SPMIP11: variants seen among roughly 807,000 people sequenced by gnomAD.
SPMIP11 encodes the protein long intergenic non-protein coding RNA 935.
the SPMIP11 span, chr12:48,771,088 C>T: frequency 3.0e-6 from 3 of 993,276 alleles, no homozygotes; most frequent in Admixed American, 2.2e-5. This position sits in a 1 kb window ranked among gnomAD's most constrained non-coding sequence, Gnocchi z 4.3. Flanking sequence ...TCAAGAGCCC[C>T]CTTCCAGCTG....
At chr12:48,765,901 A>T in the SPMIP11 span, 1 of 489,906 alleles carries the variant, frequency 2.0e-6, no homozygotes, top group Non-Finnish European at 3.7e-6. Context: ...CAGACCTTGG[A>T]GTGAGAGGTC....
At chr12:48,750,743 A>G in the SPMIP11 span, among the ~76,000 whole-genome samples, 2 of 152,186 alleles carry the variant, frequency 1.3e-5, no homozygotes, top group Non-Finnish European at 2.9e-5. Context: ...CAGGGAACCC[A>G]CAGTTCCTGA....
the SPMIP11 span, chr12:48,764,968 A>G: frequency 1.3e-5 from 9 of 701,986 alleles, no homozygotes; most frequent in East Asian, 5.4e-5. Flanking sequence ...AGCCCACGCC[A>G]TTGTCTCATA....
the SPMIP11 span, among the ~76,000 whole-genome samples, chr12:48,752,222 C>T: frequency 6.6e-6 from 1 of 152,134 alleles, no homozygotes; most frequent in African/African-American, 2.4e-5. Flanking sequence ...ACATATAGAA[C>T]ATATACCTTT....
the SPMIP11 span, among the ~76,000 whole-genome samples, chr12:48,733,764 C>CTTT: frequency 1.0e-2 from 825 of 82,892 alleles, 7 homozygotes; most frequent in East Asian, 0.034. Flanking sequence ...AATGCAGATT[C>CTTT]TTTTTTTTTT....
the SPMIP11 span, among the ~76,000 whole-genome samples, chr12:48,761,323 C>T: frequency 3.3e-5 from 5 of 151,686 alleles, no homozygotes; most frequent in South Asian, 6.3e-4. Context: ...TAGTGGCAGG[C>T]GCCTGTAATC....
chr12:48,770,181 G>A, the SPMIP11 span, among the ~76,000 whole-genome samples: 1 of 151,268 alleles, frequency 6.6e-6, no homozygotes, highest in African/African-American at 2.4e-5. Context: ...TGGGATTACA[G>A]GCATGATCCA....
At chr12:48,750,986 A>C in the SPMIP11 span, among the ~76,000 whole-genome samples, 2 of 152,174 alleles carry the variant, frequency 1.3e-5, no homozygotes, top group Non-Finnish European at 2.9e-5. Flanking sequence ...AGCAACTATA[A>C]AAATGAACCT....
chr12:48,763,276 G>A, the SPMIP11 span, among the ~76,000 whole-genome samples: 2 of 151,846 alleles, frequency 1.3e-5, no homozygotes, highest in Non-Finnish European at 2.9e-5. Context: ...AGGCTCAAAC[G>A]ATCCTTCCCA....
the SPMIP11 span, chr12:48,768,840 A>ACTAGCCACCCTACC: frequency 6.5e-7 from 1 of 1,549,604 alleles, no homozygotes; most frequent in Non-Finnish European, 8.8e-7. Flanking sequence ...TACACAGAAC[A>ACTAGCCACCCTACC]CTAGCCACCC....
At chr12:48,769,442 A>G in the SPMIP11 span, among the ~76,000 whole-genome samples, 3 of 151,384 alleles carry the variant, frequency 2.0e-5, no homozygotes, top group Non-Finnish European at 4.4e-5. Flanking sequence ...AAACCCAAAA[A>G]ACAAATAAAA....
chr12:48,765,660 A>G, the SPMIP11 span: 1 of 702,960 alleles, frequency 1.4e-6, no homozygotes, highest in East Asian at 2.7e-5. Context: ...TATTAAGAAG[A>G]TATGGCTGCA....
chr12:48,737,458 A>G, the SPMIP11 span, among the ~76,000 whole-genome samples: 1 of 147,320 alleles, frequency 6.8e-6, no homozygotes, highest in East Asian at 2.0e-4. Flanking sequence ...CTTATCACCC[A>G]GGCAGGAGTG....
At chr12:48,735,328 C>A in the SPMIP11 span, among the ~76,000 whole-genome samples, 1 of 152,208 alleles carries the variant, frequency 6.6e-6, no homozygotes, top group Non-Finnish European at 1.5e-5. Context: ...TGTTTTCAGG[C>A]CGGGCACAGT....
chr12:48,764,526 T>C, the SPMIP11 span, among the ~76,000 whole-genome samples: 1 of 152,126 alleles, frequency 6.6e-6, no homozygotes, highest in African/African-American at 2.4e-5. Flanking sequence ...AGAAAAATAA[T>C]AGATCAGTGG....
the SPMIP11 span, among the ~76,000 whole-genome samples, chr12:48,754,481 C>T: frequency 2.0e-5 from 3 of 151,958 alleles, no homozygotes; most frequent in Non-Finnish European, 2.9e-5. Flanking sequence ...GACGGAGTCT[C>T]GCTCTGTCAC....
At chr12:48,739,669 G>C in the SPMIP11 span, among the ~76,000 whole-genome samples, 1 of 152,164 alleles carries the variant, frequency 6.6e-6, no homozygotes, top group Admixed American at 6.6e-5. Context: ...AAAGAGAAGA[G>C]AGAAGGGGTG....
chr12:48,738,105 G>A, the SPMIP11 span, among the ~76,000 whole-genome samples: 99 of 152,210 alleles, frequency 6.5e-4, no homozygotes, highest in Non-Finnish European at 1.0e-3. Flanking sequence ...GATTACAGGC[G>A]TGAGCCACCA....
At chr12:48,735,065 G>A in the SPMIP11 span, among the ~76,000 whole-genome samples, 1 of 150,812 alleles carries the variant, frequency 6.6e-6, no homozygotes, top group East Asian at 2.0e-4. Flanking sequence ...ACATGTCAAG[G>A]AATGCAAGCG....
Sources: gnomAD v4.1 joint callset for allele counts (sites outside exome capture counted in the v4.1 genomes callset) on GRCh38, gnomAD v4.1.1 for gene constraint, Gnocchi (gnomAD v3.1) non-coding constraint, MANE v1.5 for transcripts, NCBI Gene and HGNC (gene_info 2026-07-23, HGNC 2026-07-21) for gene names.